C12orf42: variants seen among roughly 807,000 people sequenced by gnomAD.
C12orf42 encodes the protein chromosome 12 open reading frame 42, also known as uncharacterized protein C12orf42.
C12orf42 carries 25 observed loss-of-function variants against 21.6 expected under a neutral mutation model. The ratio of observed to expected loss-of-function variants is 1.16; its 90% confidence interval spans 0.84 to 1.62. The LOEUF is 1.62. Among genes scored for constraint, C12orf42 ranks in the 40% most tolerant of loss-of-function variants. The pLI is 0.00. For synonymous variants in C12orf42, 174 were observed against 175.0 expected (o/e 0.99, Z 0.05); for missense variants, 483 against 459.3 (o/e 1.05, Z -0.47).
chr12:103,302,676 G>C, intron 5 of C12orf42, 117 bp from the exon 6 acceptor site: 1 of 570,614 alleles, frequency 1.8e-6, no homozygotes, highest in South Asian at 4.4e-5. Context: ...GCTCAGAGGG[G>C]AAAGAAAAAA....
At chr12:103,545,623 G>GA in the C12orf42 span, among the ~76,000 whole-genome samples, 11 of 152,150 alleles carry the variant, frequency 7.2e-5, no homozygotes, top group Admixed American at 3.3e-4. Flanking sequence ...AAATGTAACA[G>GA]AAAAAATGCA....
At chr12:103,465,948 C>G (rs10861020) in intron 2 of C12orf42, among the ~76,000 whole-genome samples, 33,948 of 152,040 alleles carry the variant, frequency 0.22, 4,525 homozygotes, top group African/African-American at 0.36. Context: ...GGATGAAGCC[C>G]ACTTGATCAT....
chr12:103,141,110 C>T, the C12orf42 span, among the ~76,000 whole-genome samples: 2 of 152,222 alleles, frequency 1.3e-5, no homozygotes, highest in Non-Finnish European at 2.9e-5. Context: ...GACTCTCAAG[C>T]TCCCTGATTT....
At chr12:103,382,500 C>G (rs961591837) in intron 3 of C12orf42, among the ~76,000 whole-genome samples, 1 of 152,178 alleles carries the variant, frequency 6.6e-6, no homozygotes, top group Non-Finnish European at 1.5e-5. Context: ...TGGCCTTAGC[C>G]CATATGCTTT....
intron 2 of C12orf42, among the ~76,000 whole-genome samples, chr12:103,419,510 G>A (rs976463999): frequency 6.6e-6 from 1 of 152,030 alleles, no homozygotes; most frequent in Non-Finnish European, 1.5e-5. Flanking sequence ...CCTCCCCAGG[G>A]CTCCTCCTGT....
chr12:103,508,880 C>A, the C12orf42 span, among the ~76,000 whole-genome samples: 95 of 152,154 alleles, frequency 6.2e-4, 1 homozygote, highest in Admixed American at 2.2e-3. Context: ...CATGTAAGAA[C>A]TAATAATGAT....
the C12orf42 span, among the ~76,000 whole-genome samples, chr12:103,099,110 T>G: frequency 3.3e-5 from 5 of 152,228 alleles, no homozygotes; most frequent in Admixed American, 6.5e-5. Context: ...GATCTGGAAG[T>G]AATTTTTATT....
In C12orf42 at chr12:103,302,233, T is replaced by G. The variant is rs759436292; in HGVS notation, c.958A>C (p.Thr320Pro). 1 of 1,611,768 alleles carries G rather than the reference T, an allele frequency of 6.2e-7. No homozygotes were observed. Among genetic ancestry groups the G allele is most frequent in the South Asian group, 1.1e-5 (1 of 90,756 alleles). Residue 320 changes from threonine (T) to proline (P), a missense_variant, in exon 6 of 6, where the codon ACC becomes CCC. Transcript: ENST00000548883. ...APLPLLAGAS[T>P]HFPSKRLIKV... is the part of the protein sequence containing the mutation. ...ATTAACCTCTTGGAGGGGAAATGGG[T>G]GGAAGCACCGGCCAGCAGAGGAAGG...
the C12orf42 span, among the ~76,000 whole-genome samples, chr12:103,122,428 TTAAG>T: frequency 1.1e-4 from 16 of 152,214 alleles, no homozygotes; most frequent in Admixed American, 1.0e-3. Context: ...CAAATATTTA[TTAAG>T]TATCTGCTAT....
chr12:103,553,028 A>G, the C12orf42 span, among the ~76,000 whole-genome samples: 1 of 152,156 alleles, frequency 6.6e-6, no homozygotes, highest in Non-Finnish European at 1.5e-5. Flanking sequence ...TCTCTCCCTT[A>G]ACACCTGGGG....
chr12:103,251,849 T>C (rs144502799), intron 10 of C12orf42, among the ~76,000 whole-genome samples: 154 of 152,332 alleles, frequency 1.0e-3, no homozygotes, highest in African/African-American at 3.4e-3. Context: ...ATATAAGACC[T>C]TCACCATGTA....
At chr12:103,161,645 T>C in the C12orf42 span, 1 of 152,186 alleles carries the variant, frequency 6.6e-6, no homozygotes, top group East Asian at 1.9e-4. Context: ...TGTAAACACC[T>C]AGCATTCCAT....
chr12:103,323,119 C>T lies in C12orf42; in HGVS notation c.260-16774G>A, dbSNP rs12582267. Among the ~76,000 whole-genome samples the T allele has an allele frequency of 0.011, 1,746 of 152,266 alleles. 99 individuals carry two copies. The East Asian group carries it at 0.19, about 17-fold the overall frequency. On this transcript the variant is annotated intron_variant, in intron 4 of 5. Coordinates refer to ENST00000548883, the MANE Select transcript of C12orf42 (RefSeq NM_198521.5). ...AACCATGTCTAGTGCCCTGTAGATG[C>T]ATATACATATATGTATATATATTTC...
intron 2 of C12orf42, among the ~76,000 whole-genome samples, chr12:103,469,554 T>A (rs2137839425): frequency 6.6e-6 from 1 of 152,370 alleles, no homozygotes; most frequent in Admixed American, 6.5e-5. Context: ...CTGTAAGTTA[T>A]AAAATGTTTC....
intron 2 of C12orf42, among the ~76,000 whole-genome samples, chr12:103,419,221 G>C (rs1343848): frequency 9.3e-4 from 142 of 152,220 alleles, no homozygotes; most frequent in African/African-American, 3.0e-3. Flanking sequence ...AGAGGCACCA[G>C]GGTTGAGATG....
the C12orf42 span, among the ~76,000 whole-genome samples, chr12:103,064,436 A>G: frequency 7.9e-5 from 12 of 152,368 alleles, no homozygotes; most frequent in African/African-American, 2.9e-4. Flanking sequence ...GCATTGACTA[A>G]TTAATCACAG....
chr12:103,155,935 T>C, the C12orf42 span, among the ~76,000 whole-genome samples: 1 of 151,480 alleles, frequency 6.6e-6, no homozygotes, highest in South Asian at 2.1e-4. Context: ...TTCTTCTACA[T>C]CTTACATTTA....
chr12:103,512,380 A>T, the C12orf42 span, among the ~76,000 whole-genome samples: 2 of 152,186 alleles, frequency 1.3e-5, no homozygotes, highest in African/African-American at 4.8e-5. Flanking sequence ...GACAGAAGGA[A>T]TAAGTTCTCT....
chr12:103,358,957 TA>T (rs1217173028), intron 4 of C12orf42, among the ~76,000 whole-genome samples: 8 of 152,140 alleles, frequency 5.3e-5, no homozygotes, highest in Non-Finnish European at 7.4e-5. Flanking sequence ...CTCCCCATTG[TA>T]ACCTAGAAAG....
Sources: gnomAD v4.1 joint callset for allele counts (sites outside exome capture counted in the v4.1 genomes callset) on GRCh38, gnomAD v4.1.1 for gene constraint, MANE v1.5 for transcripts, NCBI Gene and HGNC (gene_info 2026-07-23, HGNC 2026-07-21) for gene names.